FHIP1A: variants seen among roughly 807,000 people sequenced by gnomAD.
FHIP1A encodes the protein FHF complex subunit HOOK interacting protein 1A, also known as FHF complex subunit HOOK-interacting protein 1A.
FHIP1A carries 61 observed loss-of-function variants against 88.6 expected under a neutral mutation model. The observed-to-expected ratio is 0.69, with a 90% confidence interval of 0.56 to 0.85. The LOEUF is 0.85. Ranked by LOEUF, FHIP1A falls within the 40% of genes least tolerant of loss-of-function variation. The pLI is 0.00. For synonymous variants in FHIP1A, 478 were observed against 496.0 expected (o/e 0.96, Z 0.48); for missense variants, 1,154 against 1,273.5 (o/e 0.91, Z 1.43).
At chr4:151,635,326 G>T (rs1736309008) in intron 8 of FHIP1A, among the ~76,000 whole-genome samples, 1 of 151,800 alleles carries the variant, frequency 6.6e-6, no homozygotes, top group Admixed American at 6.6e-5. Context: ...GGTTTCCCAA[G>T]AAATTAAACA....
At chr4:151,645,494 C>T (rs532517888) in intron 9 of FHIP1A, among the ~76,000 whole-genome samples, 4 of 151,784 alleles carry the variant, frequency 2.6e-5, no homozygotes, top group Middle Eastern at 6.8e-3. Flanking sequence ...TCCTGAAAGT[C>T]GTACTTTTTA....
At position 151,661,411 on chromosome 4, in the gene FHIP1A, T is replaced by G. The variant is rs574940825; in HGVS notation, c.2870-1090T>G. Reference sequence around the variant, plus strand: ...TTAAAGCAGTCAAGTGGAAGTTGTTTTTTTTTTTTTTTTTTAACACTAAAG... The same window carrying G: ...TTAAAGCAGTCAAGTGGAAGTTGTTGTTTTTTTTTTTTTTTAACACTAAAG... On this transcript the variant is annotated intron_variant, in intron 13 of 13. Coordinates refer to ENST00000435205, the MANE Select transcript of FHIP1A (RefSeq NM_001109977.3). Among the ~76,000 whole-genome samples, 17 of 149,994 alleles carry G rather than the reference T, an allele frequency of 1.1e-4. No individual in the cohort carries two copies. In the South Asian group the frequency reaches 2.5e-3, roughly 22 times the overall value.
chr4:151,610,790 AT>A (rs1468947517), intron 7 of FHIP1A, among the ~76,000 whole-genome samples: 3 of 152,198 alleles, frequency 2.0e-5, no homozygotes, highest in African/African-American at 7.2e-5. Flanking sequence ...GGCATAGACA[AT>A]AACTCTTCAC....
intron 4 of FHIP1A, 146 bp from the exon 5 acceptor site, chr4:151,577,302 GAC>G (rs144415896): frequency 0.033 from 16,701 of 502,514 alleles, no homozygotes; most frequent in South Asian, 0.046. Flanking sequence ...TTGAGAGGGA[GAC>G]ACACACACAC....
chr4:151,643,292 C>T (rs1041025459), intron 9 of FHIP1A, among the ~76,000 whole-genome samples: 1 of 149,362 alleles, frequency 6.7e-6, no homozygotes, highest in Admixed American at 6.8e-5. Flanking sequence ...TTTAAAGATA[C>T]AGCAGAACCA....
chr4:151,658,570 G>A (rs1013843872), intron 13 of FHIP1A, among the ~76,000 whole-genome samples: 4 of 152,136 alleles, frequency 2.6e-5, no homozygotes, highest in South Asian at 2.1e-4. Context: ...GCTCAGACTC[G>A]GAGCTCACGT....
chr4:151,504,762 C>T (rs149534626), intron 3 of FHIP1A, among the ~76,000 whole-genome samples: 4 of 152,254 alleles, frequency 2.6e-5, no homozygotes, highest in East Asian at 3.9e-4. Context: ...GCTGGGATTA[C>T]AGGCATGTGT....
At chr4:151,647,538 G>A (rs1414388162) in intron 10 of FHIP1A, among the ~76,000 whole-genome samples, 1 of 152,142 alleles carries the variant, frequency 6.6e-6, no homozygotes, top group Admixed American at 6.5e-5. Context: ...TAGGTAAAGT[G>A]TATTTAAAAG....
chr4:151,581,513 A>G (rs1734025477), intron 5 of FHIP1A, among the ~76,000 whole-genome samples: 1 of 152,174 alleles, frequency 6.6e-6, no homozygotes, highest in Non-Finnish European at 1.5e-5. Flanking sequence ...CATTGCTTTT[A>G]TAAAAACATA....
In FHIP1A at chr4:151,664,730, GT is replaced by G. The variant is rs1737600777; in HGVS notation, c.*1977del. 6.6e-6 allele frequency among the ~76,000 whole-genome samples: 1 copy of G among 152,212 alleles called. No homozygotes were observed. Among genetic ancestry groups the G allele is most frequent in the South Asian group, 2.1e-4 (1 of 4,836 alleles). The stretch of plus-strand genomic sequence containing the variant: ...TTATACTCTGTTTGTTTTTGCACAA[GT>G]ATTTATCTTCTTGTTTGGACTTACA... On this transcript the variant is annotated 3_prime_UTR_variant, in exon 14 of 14. Coordinates refer to ENST00000435205, the MANE Select transcript of FHIP1A (RefSeq NM_001109977.3).
intron 3 of FHIP1A, among the ~76,000 whole-genome samples, chr4:151,516,646 G>T (rs1436151777): frequency 2.0e-5 from 3 of 152,082 alleles, no homozygotes; most frequent in Non-Finnish European, 4.4e-5. Context: ...GCAAAGGACA[G>T]GAACAGACAC....
intron 3 of FHIP1A, among the ~76,000 whole-genome samples, chr4:151,563,425 G>A (rs1176826556): frequency 6.6e-6 from 1 of 152,172 alleles, no homozygotes; most frequent in African/African-American, 2.4e-5. Context: ...CAATGTGCAT[G>A]TGTGTCTTTA....
At chr4:151,424,378 G>A (rs1190186319) in intron 1 of FHIP1A, among the ~76,000 whole-genome samples, 24 of 152,178 alleles carry the variant, frequency 1.6e-4, no homozygotes, top group Admixed American at 1.6e-3. Flanking sequence ...AGAGCAGGAG[G>A]TGGTGTTTAC....
intron 1 of FHIP1A, among the ~76,000 whole-genome samples, chr4:151,441,353 T>TA: frequency 6.6e-6 from 1 of 151,442 alleles, no homozygotes; most frequent in East Asian, 1.9e-4. Context: ...AGATGACCTT[T>TA]AAAAAAAACT....
intron 1 of FHIP1A, among the ~76,000 whole-genome samples, chr4:151,426,305 A>C (rs1733373358): frequency 6.6e-6 from 1 of 152,208 alleles, no homozygotes. Context: ...TTCCTCTCAG[A>C]ACCTAGAAAA....
At position 151,516,689 on chromosome 4, in the gene FHIP1A, A is replaced by T. The variant is rs546383031; in HGVS notation, c.-123+34041A>T. On this transcript the variant is annotated intron_variant, in intron 3 of 13. Coordinates refer to ENST00000435205, the MANE Select transcript of FHIP1A (RefSeq NM_001109977.3). ...AAGAAGACATTTATGCAGCCAAAAG[A>T]CACATGAAAAAATGCTCACCATTAC... is the stretch of plus-strand genomic sequence containing the variant. Among the ~76,000 whole-genome samples, 34 of 152,354 alleles carry T rather than the reference A, an allele frequency of 2.2e-4. 1 individual carries two copies. In the South Asian group the frequency reaches 6.4e-3, roughly 29 times the overall value.
intron 1 of FHIP1A, among the ~76,000 whole-genome samples, chr4:151,452,007 G>A: frequency 6.6e-6 from 1 of 151,876 alleles, no homozygotes; most frequent in Non-Finnish European, 1.5e-5. Flanking sequence ...TTTTTGTAGG[G>A]ATATGGTCTC....
At chr4:151,597,085 T>C (rs1031340960) in intron 7 of FHIP1A, among the ~76,000 whole-genome samples, 1 of 152,216 alleles carries the variant, frequency 6.6e-6, no homozygotes, top group Non-Finnish European at 1.5e-5. Context: ...GGTGTTGTGA[T>C]CCTTTGGAGG....
At chr4:151,456,215 C>G (rs944609137) in intron 2 of FHIP1A, among the ~76,000 whole-genome samples, 2 of 152,182 alleles carry the variant, frequency 1.3e-5, no homozygotes, top group Non-Finnish European at 2.9e-5. Flanking sequence ...TTCTGTCATT[C>G]CCGAAAGTCT....
Sources: allele counts gnomAD v4.1 joint callset (sites outside exome capture counted in the v4.1 genomes callset), GRCh38; gene constraint gnomAD v4.1.1; transcripts MANE v1.5; gene names NCBI Gene and HGNC (gene_info 2026-07-23, HGNC 2026-07-21).